The following SGCD variants were observed in gnomAD, a reference collection of about 807,000 sequenced individuals.
The protein encoded by SGCD is sarcoglycan delta, also known as delta-sarcoglycan.
In SGCD, 18 loss-of-function variants were observed where a neutral mutation model predicts 36.6. The observed-to-expected ratio is 0.49, with a 90% CI of 0.34 to 0.73. The LOEUF (loss-of-function observed/expected upper bound fraction) is 0.73. Among genes scored for constraint, SGCD ranks in the 30% least tolerant of loss-of-function variants. The pLI is 0.01. For missense variants in SGCD, 387 were observed against 346.7 expected (o/e 1.12, Z -0.92); for synonymous variants, 133 against 130.6 (o/e 1.02, Z -0.12).
the SGCD span, among the ~76,000 whole-genome samples, chr5:155,755,690 T>C: frequency 6.6e-6 from 1 of 152,080 alleles, no homozygotes; most frequent in Non-Finnish European, 1.5e-5. Context: ...TGGATCCTTC[T>C]GTGTTCTTGT....
At chr5:156,182,637 A>G (rs1763636323) in intron 3 of SGCD, among the ~76,000 whole-genome samples, 1 of 152,112 alleles carries the variant, frequency 6.6e-6, no homozygotes, top group Admixed American at 6.6e-5. Context: ...CCTGAAACTC[A>G]TCCATTCATA....
At chr5:156,752,682 C>A (rs2113151588) in intron 7 of SGCD, among the ~76,000 whole-genome samples, 1 of 152,332 alleles carries the variant, frequency 6.6e-6, no homozygotes, top group South Asian at 2.1e-4. Context: ...GCGTGAGCTA[C>A]CGTGCCGGCC....
chr5:155,930,130 A>T (rs1757073048), intron 1 of SGCD, among the ~76,000 whole-genome samples: 1 of 152,136 alleles, frequency 6.6e-6, no homozygotes, highest in African/African-American at 2.4e-5. Context: ...CCTCTTGCCA[A>T]AGTTAAAACA....
At chr5:156,346,726 T>A (rs1768964332) in intron 3 of SGCD, among the ~76,000 whole-genome samples, 1 of 152,202 alleles carries the variant, frequency 6.6e-6, no homozygotes, top group African/African-American at 2.4e-5. Flanking sequence ...TAGAGCACAT[T>A]AGCTTCCATT....
intron 3 of SGCD, among the ~76,000 whole-genome samples, chr5:156,501,551 A>T (rs532531715): frequency 6.6e-6 from 1 of 152,356 alleles, no homozygotes; most frequent in African/African-American, 2.4e-5. Context: ...AGCAAATGCC[A>T]TAGTCTTTGC....
the SGCD span, among the ~76,000 whole-genome samples, chr5:155,776,143 A>G: frequency 5.1e-4 from 77 of 152,154 alleles, no homozygotes; most frequent in Middle Eastern, 3.2e-3. Context: ...CTTGATTACA[A>G]AGGTGGCAAT....
chr5:156,535,461 A>T (rs1038694186), intron 4 of SGCD, among the ~76,000 whole-genome samples: 1 of 152,226 alleles, frequency 6.6e-6, no homozygotes, highest in Non-Finnish European at 1.5e-5. Context: ...ATGAGATTCC[A>T]TGTTGAAACT....
intron 7 of SGCD, among the ~76,000 whole-genome samples, chr5:156,749,159 A>C (rs1033711305): frequency 6.6e-6 from 1 of 152,218 alleles, no homozygotes; most frequent in Non-Finnish European, 1.5e-5. Context: ...ATTTAAAAAT[A>C]CTAGAAATCT....
chr5:155,894,287 A>T (rs1404584218), intron 1 of SGCD, among the ~76,000 whole-genome samples: 11 of 152,214 alleles, frequency 7.2e-5, no homozygotes, highest in Admixed American at 7.2e-4. Flanking sequence ...TTATGGTTTC[A>T]TCAGTAGGCA....
At chr5:156,311,060 A>G (rs372382164) in intron 3 of SGCD, among the ~76,000 whole-genome samples, 8 of 152,370 alleles carry the variant, frequency 5.3e-5, no homozygotes, top group African/African-American at 1.7e-4. Flanking sequence ...TGGTGAGTTT[A>G]AGAGGTGAAT....
chr5:156,240,465 T>G (rs1765278640), intron 3 of SGCD, among the ~76,000 whole-genome samples: 1 of 152,054 alleles, frequency 6.6e-6, no homozygotes, highest in Non-Finnish European at 1.5e-5. Flanking sequence ...CATGCAGTCT[T>G]AGGGAATAAT....
chr5:156,362,173 T>A (rs1769832040), intron 3 of SGCD, among the ~76,000 whole-genome samples: 1 of 152,214 alleles, frequency 6.6e-6, no homozygotes, highest in Non-Finnish European at 1.5e-5. Flanking sequence ...CACATGTACT[T>A]GAGTCTCCAC....
At chr5:156,654,441 T>G (rs963540202) in intron 7 of SGCD, among the ~76,000 whole-genome samples, 1 of 152,122 alleles carries the variant, frequency 6.6e-6, no homozygotes, top group African/African-American at 2.4e-5. Context: ...CTTTCTTCCT[T>G]CAGTATGAGT....
intron 4 of SGCD, among the ~76,000 whole-genome samples, chr5:156,567,915 TGA>T (rs1200590972): frequency 6.6e-6 from 1 of 152,240 alleles, no homozygotes; most frequent in Non-Finnish European, 1.5e-5. Flanking sequence ...AACATGATAT[TGA>T]GAGTGTGCTT....
intron 1 of SGCD, among the ~76,000 whole-genome samples, chr5:156,086,091 T>C (rs1761085018): frequency 6.6e-6 from 1 of 152,262 alleles, no homozygotes; most frequent in African/African-American, 2.4e-5. Context: ...GACAGTGTAC[T>C]GTTATTAACA....
At chr5:156,477,328 A>G (rs910412312) in intron 3 of SGCD, among the ~76,000 whole-genome samples, 7 of 152,230 alleles carry the variant, frequency 4.6e-5, no homozygotes, top group African/African-American at 7.2e-5. Flanking sequence ...TCCAAGTACA[A>G]TATAACCCAT....
At chr5:156,468,820 C>T (rs1044600650) in intron 3 of SGCD, among the ~76,000 whole-genome samples, 2 of 151,988 alleles carry the variant, frequency 1.3e-5, no homozygotes, top group Non-Finnish European at 2.9e-5. Flanking sequence ...GGTGAAACCC[C>T]GCCTCTACTA....
rs1765502127 is a variant in SGCD, at chr5:156,248,729, G to A, written c.-43-80805G>A. On this transcript the variant is annotated intron_variant, in intron 3 of 9. Transcript: ENST00000517913. ...TGGCCACTATGTGGAAGCTGAATTC[G>A]GACACTGTTGGGAAAATAGTCAGGA... is the stretch of plus-strand genomic sequence containing the variant. Among the ~76,000 whole-genome samples, 5 of 152,296 alleles carry A rather than the reference G, an allele frequency of 3.3e-5. No homozygotes were observed. The South Asian group carries it at 1.0e-3, about 32-fold the overall frequency.
chr5:155,921,650 T>C (rs1289035670), intron 1 of SGCD, among the ~76,000 whole-genome samples: 3 of 152,174 alleles, frequency 2.0e-5, no homozygotes, highest in African/African-American at 7.2e-5. Context: ...CTGAGGATTC[T>C]AGCTGTTTAA....
Sources: allele counts gnomAD v4.1 joint callset (sites outside exome capture counted in the v4.1 genomes callset), GRCh38; gene constraint gnomAD v4.1.1; transcripts MANE v1.5; gene names NCBI Gene and HGNC (gene_info 2026-07-23, HGNC 2026-07-21).